The following NFATC2 variants were observed in gnomAD, a reference collection of about 807,000 sequenced individuals.
NFATC2 encodes nuclear factor of activated T cells 2.
In NFATC2, 22 loss-of-function variants were observed where a neutral mutation model predicts 87.3. The observed-to-expected ratio is 0.25, with a 90% CI of 0.18 to 0.36. The LOEUF (loss-of-function observed/expected upper bound fraction) is 0.36, where lower values mean the gene tolerates loss of function less well. Ranked by LOEUF, NFATC2 falls within the 10% of genes least tolerant of loss-of-function variation. NFATC2 has a pLI of 1.00. For missense variants in NFATC2, 1,149 were observed against 1,259.1 expected, an observed-to-expected ratio of 0.91 and a Z score of 1.32; for synonymous variants, 565 against 542.2, an observed-to-expected ratio of 1.04 and a Z score of -0.58.
chr20:51,422,442 C>A (rs1169599550), intron 9 of NFATC2, among the ~76,000 whole-genome samples: 1 of 152,136 alleles, frequency 6.6e-6, no homozygotes, highest in Admixed American at 6.6e-5. Context: ...CAGGCCCCAG[C>A]CCTGCGTCTA....
intron 3 of NFATC2, among the ~76,000 whole-genome samples, chr20:51,511,956 C>A (rs1470698708): frequency 6.6e-6 from 1 of 152,236 alleles, no homozygotes; most frequent in Non-Finnish European, 1.5e-5. Context: ...CCAACCATCA[C>A]CCTGCAAGCT....
At chr20:51,471,979 G>A (rs2146502606) in intron 5 of NFATC2, among the ~76,000 whole-genome samples, 1 of 152,320 alleles carries the variant, frequency 6.6e-6, no homozygotes. Flanking sequence ...TAGGCCAGGT[G>A]TGGTGGCTCA....
intron 2 of NFATC2, among the ~76,000 whole-genome samples, chr20:51,520,473 G>A (rs1254933169): frequency 3.3e-5 from 5 of 150,770 alleles, no homozygotes; most frequent in East Asian, 3.9e-4. Flanking sequence ...CGTGTGGTAC[G>A]GGGGTGTGTG....
At position 51,390,300 on chromosome 20, in the gene NFATC2, C is replaced by T. The variant is rs923181881; in HGVS notation, c.*1196G>A. On this transcript the variant is annotated 3_prime_UTR_variant, in exon 11 of 11. Coordinates refer to ENST00000371564, the MANE Select transcript of NFATC2 (RefSeq NM_012340.5). The stretch of plus-strand genomic sequence containing the variant: ...GAAGCTGGGAAGCACATCCTGAGCT[C>T]GGCTGTCCCACTTAGAGGGAATTCA... The T allele has an allele frequency of 5.9e-5, 9 of 152,208 alleles. No individual in the cohort carries two copies. The highest frequency in any genetic ancestry group is 3.8e-4 in the East Asian group (2 of 5,200). The allele number at this position is 152,208 out of a possible 1,614,324, so 9.4% of individuals were successfully genotyped here.
At chr20:51,522,756 T>C (rs1328143974) in intron 2 of NFATC2, among the ~76,000 whole-genome samples, 3 of 152,002 alleles carry the variant, frequency 2.0e-5, no homozygotes, top group Non-Finnish European at 4.4e-5. Flanking sequence ...CCATTACTTA[T>C]GTAACAGAAT....
At chr20:51,529,115 C>G (rs1041252282) in intron 1 of NFATC2, among the ~76,000 whole-genome samples, 18 of 152,118 alleles carry the variant, frequency 1.2e-4, no homozygotes, top group African/African-American at 4.1e-4. Context: ...AATTCACTGC[C>G]CTTCGAACCA....
upstream of NFATC2, among the ~76,000 whole-genome samples, chr20:51,545,102 T>C (rs2076878357): frequency 6.6e-6 from 1 of 152,172 alleles, no homozygotes; most frequent in South Asian, 2.1e-4. Flanking sequence ...TGGGTCCTTA[T>C]GACAGGGACC....
chr20:51,405,158 G>A (rs140521859), intron 9 of NFATC2, among the ~76,000 whole-genome samples: 7 of 152,248 alleles, frequency 4.6e-5, no homozygotes, highest in East Asian at 3.9e-4. Flanking sequence ...TGCATCAGAC[G>A]CCAGCCAAGC....
At position 51,480,295 on chromosome 20, in the gene NFATC2, A is replaced by G. The variant is rs895875671; in HGVS notation, c.1333-4635T>C. 2.0e-5 allele frequency among the ~76,000 whole-genome samples: 3 copies of G among 151,990 alleles called. No homozygotes were observed. Among genetic ancestry groups the G allele is most frequent in the African/African-American group, 7.3e-5 (3 of 41,340 alleles). ...AAAGCAAGACTCTGTCTCAAAAAAA[A>G]TAGAATGTGCTTCCTGCCGCACAGG... On this transcript the variant is annotated intron_variant, in intron 3 of 10. Coordinates refer to ENST00000371564, the MANE Select transcript of NFATC2 (RefSeq NM_012340.5). The surrounding 1 kb of genome is among the most constrained non-coding windows in gnomAD (Gnocchi z 4.2).
intron 10 of NFATC2, among the ~76,000 whole-genome samples, chr20:51,395,622 TGATG>T (rs1406366038): frequency 4.3e-4 from 32 of 74,266 alleles, no homozygotes; most frequent in Non-Finnish European, 7.6e-4. Context: ...CCTAAAAGAC[TGATG>T]GAGAATGATC....
chr20:51,394,501 A>C (rs1986772097), intron 10 of NFATC2, among the ~76,000 whole-genome samples: 1 of 151,992 alleles, frequency 6.6e-6, no homozygotes, highest in South Asian at 2.1e-4. Flanking sequence ...CAAGGCTCAA[A>C]CAGCCTCCTT....
intron 3 of NFATC2, among the ~76,000 whole-genome samples, chr20:51,492,435 G>A (rs1375021011): frequency 6.6e-6 from 1 of 152,206 alleles, no homozygotes; most frequent in Non-Finnish European, 1.5e-5. Context: ...TGCGCTAAAC[G>A]TCATCCGTCA....
At chr20:51,547,555 A>G (rs1017759009), upstream of NFATC2, among the ~76,000 whole-genome samples, 2 of 152,064 alleles carry the variant, frequency 1.3e-5, no homozygotes, top group Admixed American at 6.5e-5. Flanking sequence ...ATTTTTATCT[A>G]CAACCTGGGC....
intron 3 of NFATC2, among the ~76,000 whole-genome samples, chr20:51,477,591 G>T (rs1988870432): frequency 8.0e-6 from 1 of 124,324 alleles, no homozygotes; most frequent in African/African-American, 3.0e-5. Flanking sequence ...AAAATAACAA[G>T]AGACAAAAGG....
chr20:51,495,198 C>T (rs547793204), intron 3 of NFATC2, among the ~76,000 whole-genome samples: 2 of 152,214 alleles, frequency 1.3e-5, no homozygotes, highest in African/African-American at 4.8e-5. Context: ...AATTCTCCCC[C>T]CTCAGCCTCT....
intron 3 of NFATC2, among the ~76,000 whole-genome samples, chr20:51,489,681 C>T (rs1204054504): frequency 6.6e-6 from 1 of 152,274 alleles, no homozygotes; most frequent in Non-Finnish European, 1.5e-5. Context: ...TTACCAAAGG[C>T]TTCAAAAACA....
intron 5 of NFATC2, among the ~76,000 whole-genome samples, chr20:51,458,745 C>T (rs1014023255): frequency 1.3e-5 from 2 of 151,806 alleles, no homozygotes; most frequent in South Asian, 2.1e-4. Context: ...ACCGGGGAGG[C>T]GGAGGTTACA....
At chr20:51,550,927 C>T (rs114324169) in intron 1 of NFATC2, among the ~76,000 whole-genome samples, 2,036 of 152,298 alleles carry the variant, frequency 0.013, 45 homozygotes, top group African/African-American at 0.045. Flanking sequence ...CTGTATAACA[C>T]ATAAGTCACA....
intron 6 of NFATC2, among the ~76,000 whole-genome samples, chr20:51,436,715 AAAACAAACAAAC>A (rs146601129): frequency 8.5e-4 from 103 of 121,280 alleles, no homozygotes; most frequent in Admixed American, 2.5e-3. Context: ...ACTTTGTCTC[AAAACAAACAAAC>A]AAACAAACAA....
Sources: gnomAD v4.1 joint callset for allele counts (sites outside exome capture counted in the v4.1 genomes callset) on GRCh38, gnomAD v4.1.1 for gene constraint, Gnocchi (gnomAD v3.1) non-coding constraint, MANE v1.5 for transcripts, NCBI Gene and HGNC (gene_info 2026-07-23, HGNC 2026-07-21) for gene names.